Variants in CRPPA observed in about 807,000 individuals in gnomAD.
CRPPA encodes the protein D-ribitol-5-phosphate cytidylyltransferase.
A neutral mutation model predicts 52.0 loss-of-function variants in CRPPA; 43 were observed. That is an observed-to-expected ratio of 0.83 (90% CI 0.65 to 1.07). The LOEUF (loss-of-function observed/expected upper bound fraction) is 1.07, where lower values mean the gene tolerates loss of function less well. Among genes scored for constraint, CRPPA ranks in the 50% least tolerant of loss-of-function variants. The probability of loss-of-function intolerance (pLI) is 0.00; values close to 1 mark genes in which losing one functional copy is unlikely to be tolerated. For synonymous variants in CRPPA, 250 were observed against 203.5 expected (o/e 1.23, Z -1.94); for missense variants, 629 against 551.7 (o/e 1.14, Z -1.40).
intron 5 of CRPPA, among the ~76,000 whole-genome samples, chr7:16,298,636 T>A (rs115996568): frequency 0.013 from 1,955 of 152,362 alleles, 50 homozygotes; most frequent in African/African-American, 0.045. Context: ...AAATTATGTG[T>A]CATAAAAATG....
intron 3 of CRPPA, among the ~76,000 whole-genome samples, chr7:16,367,173 T>TC (rs1371997543): frequency 6.3e-5 from 6 of 95,646 alleles, no homozygotes; most frequent in Admixed American, 9.5e-5. Flanking sequence ...TTGTCAAAAT[T>TC]TAAAAAAAAA....
In CRPPA at chr7:16,089,321, TATATAA is replaced by T. The variant is rs72267760; in HGVS notation, c.*2368_*2373del. ...ATACATATATGTGTGTATGCGTACG[TATATAA>T]ATATATGTGTGTATGCGTACGTATA... On this transcript the variant is annotated 3_prime_UTR_variant, in exon 10 of 10. Coordinates refer to ENST00000407010, the MANE Select transcript of CRPPA (RefSeq NM_001101426.4). 4.2e-3 allele frequency: 1,671 copies of T among 399,382 alleles called. 82 individuals carry two copies. Among genetic ancestry groups the T allele is most frequent in the African/African-American group, 0.037 (1,570 of 42,916 alleles). 24.7% of individuals were successfully genotyped at this position (399,382 alleles called of 1,614,324 possible).
At chr7:16,330,405 T>C (rs1206208347) in intron 3 of CRPPA, among the ~76,000 whole-genome samples, 1 of 152,082 alleles carries the variant, frequency 6.6e-6, no homozygotes, top group African/African-American at 2.4e-5. Flanking sequence ...TATGAACCAC[T>C]CCCTCTTATA....
At chr7:16,397,114 G>A (rs1787604974) in intron 2 of CRPPA, among the ~76,000 whole-genome samples, 1 of 152,238 alleles carries the variant, frequency 6.6e-6, no homozygotes, top group Non-Finnish European at 1.5e-5. Flanking sequence ...AAGACACGTG[G>A]ACACACAACT....
chr7:16,268,705 G>A (rs1320080348), intron 6 of CRPPA, among the ~76,000 whole-genome samples: 1 of 152,100 alleles, frequency 6.6e-6, no homozygotes, highest in South Asian at 2.1e-4. Context: ...AGACAATATA[G>A]AAAAATAGAT....
At chr7:16,323,411 A>T (rs1207044924) in intron 3 of CRPPA, among the ~76,000 whole-genome samples, 1 of 152,212 alleles carries the variant, frequency 6.6e-6, no homozygotes, top group African/African-American at 2.4e-5. Flanking sequence ...AAGAAGTGAC[A>T]GTATACCAGT....
chr7:16,139,905 G>T (rs1267789440), intron 9 of CRPPA, among the ~76,000 whole-genome samples: 2 of 151,666 alleles, frequency 1.3e-5, no homozygotes, highest in East Asian at 3.9e-4. Flanking sequence ...ATAATCTGCT[G>T]CAAGATGCAG....
intron 3 of CRPPA, among the ~76,000 whole-genome samples, chr7:16,354,858 G>A (rs1046484051): frequency 6.6e-6 from 1 of 151,876 alleles, no homozygotes; most frequent in Non-Finnish European, 1.5e-5. Flanking sequence ...TTCCCCTAAG[G>A]CATGTATGTA....
At chr7:16,385,450 C>G (rs1304276706) in intron 2 of CRPPA, among the ~76,000 whole-genome samples, 1 of 152,116 alleles carries the variant, frequency 6.6e-6, no homozygotes, top group African/African-American at 2.4e-5. Context: ...TAACAAGTGA[C>G]TTATCAGAAA....
chr7:16,116,531 G>A (rs527443775), intron 9 of CRPPA, among the ~76,000 whole-genome samples: 9 of 152,128 alleles, frequency 5.9e-5, no homozygotes, highest in Admixed American at 1.3e-4. Flanking sequence ...CAGGCCTGGT[G>A]GCACTTGCCT....
intron 6 of CRPPA, among the ~76,000 whole-genome samples, chr7:16,275,961 C>A (rs1784194352): frequency 6.6e-6 from 1 of 151,194 alleles, no homozygotes; most frequent in South Asian, 2.1e-4. Flanking sequence ...AGACTGTAAC[C>A]CAATATTTAA....
Position 16,088,302 on chromosome 7 carries a change from T to C in CRPPA, c.*3393A>G, listed in dbSNP as rs1258769552. On this transcript the variant is annotated 3_prime_UTR_variant, in exon 10 of 10. Coordinates refer to ENST00000407010, the MANE Select transcript of CRPPA (RefSeq NM_001101426.4). ...CAGAAACCTTGAAGCATAATCACTA[T>C]TATTTTTTAAGAGATTTTGGAAAAT... 2 of 152,174 alleles carry C rather than the reference T, an allele frequency of 1.3e-5. No homozygotes were observed. The highest frequency in any genetic ancestry group is 2.9e-5 in the Non-Finnish European group (2 of 68,042). The allele number at this position is 152,174 out of a possible 1,614,324, so 9.4% of individuals were successfully genotyped here.
At chr7:16,396,989 ATGAC>A (rs1468382531) in intron 2 of CRPPA, among the ~76,000 whole-genome samples, 7 of 152,232 alleles carry the variant, frequency 4.6e-5, no homozygotes, top group South Asian at 2.1e-4. Context: ...CATGTGTGAC[ATGAC>A]TGACATGGAA....
At chr7:16,136,555 C>T (rs938177740) in intron 9 of CRPPA, among the ~76,000 whole-genome samples, 24 of 152,164 alleles carry the variant, frequency 1.6e-4, no homozygotes, top group African/African-American at 4.1e-4. Flanking sequence ...ACTTCAAATA[C>T]ATAGATCCTG....
intron 3 of CRPPA, among the ~76,000 whole-genome samples, chr7:16,311,052 C>T (rs1363115885): frequency 6.6e-6 from 1 of 152,052 alleles, no homozygotes; most frequent in Non-Finnish European, 1.5e-5. Context: ...AGGTTCATAG[C>T]AAAATGGAGC....
chr7:16,213,376 T>C (rs1219733457), intron 9 of CRPPA, among the ~76,000 whole-genome samples: 2 of 151,898 alleles, frequency 1.3e-5, no homozygotes, highest in Admixed American at 1.3e-4. Flanking sequence ...CCAAAAAATT[T>C]CATTTTATTG....
chr7:16,408,869 T>C (rs908548938), intron 1 of CRPPA, among the ~76,000 whole-genome samples: 2 of 152,212 alleles, frequency 1.3e-5, no homozygotes, highest in African/African-American at 4.8e-5. Context: ...GTCAGACTGA[T>C]GCAGGGCCTC....
intron 9 of CRPPA, among the ~76,000 whole-genome samples, chr7:16,142,099 CT>C (rs1782884705): frequency 6.6e-6 from 1 of 152,030 alleles, no homozygotes; most frequent in Non-Finnish European, 1.5e-5. Context: ...GTTCTGTTAC[CT>C]AAGAGACATA....
At chr7:16,203,501 C>A (rs1308561910) in intron 9 of CRPPA, among the ~76,000 whole-genome samples, 1 of 152,082 alleles carries the variant, frequency 6.6e-6, no homozygotes, top group Non-Finnish European at 1.5e-5. Flanking sequence ...TCTCTTTCCA[C>A]TGAGTTTACA....
Sources: allele counts gnomAD v4.1 joint callset (sites outside exome capture counted in the v4.1 genomes callset), GRCh38; gene constraint gnomAD v4.1.1; transcripts MANE v1.5; gene names NCBI Gene and HGNC (gene_info 2026-07-23, HGNC 2026-07-21).